TPI1: variants seen among roughly 807,000 people sequenced by gnomAD.
TPI1 encodes the protein triosephosphate isomerase.
A neutral mutation model predicts 31.0 loss-of-function variants in TPI1; 11 were observed. The ratio of observed to expected loss-of-function variants is 0.36; its 90% CI spans 0.22 to 0.59. The LOEUF (loss-of-function observed/expected upper bound fraction) is 0.59, where lower values mean the gene tolerates loss of function less well. Ranked by LOEUF, TPI1 falls within the 20% of genes least tolerant of loss-of-function variation. The pLI is 0.79. For synonymous variants in TPI1, 121 were observed against 122.8 expected, an observed-to-expected ratio of 0.99 and a Z score of 0.10; for missense variants, 245 against 319.7, an observed-to-expected ratio of 0.77 and a Z score of 1.78.
chr12:6,867,504 A>G (rs1555131386), upstream of TPI1: 14 of 1,577,608 alleles, frequency 8.9e-6, no homozygotes, highest in African/African-American at 2.7e-5. Flanking sequence ...GGCGCTCTAT[A>G]TAAGTGGGCA....
Position 6,869,760 on chromosome 12 carries a change from C to A in TPI1, c.530C>A (p.Ala177Glu), listed in dbSNP as rs11548743. 1 of 1,614,216 alleles carries A rather than the reference C, an allele frequency of 6.2e-7. No homozygotes were observed. Among genetic ancestry groups the A allele is most frequent in the Non-Finnish European group, 8.5e-7 (1 of 1,180,040 alleles). ...TGGGCCATTGGTACTGGCAAGACTG[C>A]AACACCCCAACAGGTAACCGGGCCC... ...PVWAIGTGKTATPQQAQEVHE... is the reference protein window; with the variant it reads ...PVWAIGTGKTETPQQAQEVHE... Residue 177 changes from alanine to glutamate, a missense_variant, in exon 5 of 7, where the codon GCA becomes GAA. Around this residue, in one of 3 missense-constraint regions of TPI1, gnomAD observed 127 missense variants for 163.7 expected, o/e 0.78. Transcript: ENST00000396705.
rs782260176 is a variant in TPI1 at position 6,870,131 on chromosome 12, A to G, written c.626A>G (p.Tyr209Cys). Residue 209 changes from tyrosine (Y) to cysteine (C), a missense_variant, in exon 6 of 7, where the codon TAT (tyrosine) becomes TGT (cysteine). Physicochemically the swap from Tyr to Cys is radical, Grantham distance 194 (BLOSUM62 -2). Coordinates refer to ENST00000396705, the MANE Select transcript of TPI1 (RefSeq NM_000365.6). ...GTGGCTCAGAGCACCCGTATCATTT[A>G]TGGAGGTGAGTGGCTTTGGTTCCCG... ...DAVAQSTRIIYGGSVTGATCK... is the reference protein window; with the variant it reads ...DAVAQSTRIICGGSVTGATCK... 8 of 1,614,090 alleles carry G rather than the reference A, an allele frequency of 5.0e-6. No homozygotes were observed. In the South Asian group the frequency reaches 8.8e-5, roughly 18 times the overall value.
At chr12:6,869,657 C>CCTT in intron 4 of TPI1, 31 bp from the exon 5 acceptor site, 1 of 1,612,162 alleles carries the variant, frequency 6.2e-7, no homozygotes, top group South Asian at 1.1e-5. Context: ...TCTTGTTCAC[C>CCTT]CTTCCCTCCA....
At position 6,870,462 on chromosome 12, in the gene TPI1, C is replaced by G; in HGVS notation, c.*79C>G. 9.4e-7 allele frequency: 1 copy of G among 1,066,270 alleles called. No individual in the cohort carries two copies. The highest frequency in any genetic ancestry group is 1.5e-6 in the Non-Finnish European group (1 of 681,068). 66.1% of individuals were successfully genotyped at this position (1,066,270 alleles called of 1,614,324 possible). A position where few individuals can be genotyped will look rare whatever the true frequency, so the allele number is the denominator to read the frequency against. ...AAGCCCAGTAACTGCCCTTTCCCTGCATATGCTTCTGATGGTGTCATCTGC... is the reference window on the plus strand; with the variant it reads ...AAGCCCAGTAACTGCCCTTTCCCTGGATATGCTTCTGATGGTGTCATCTGC... On this transcript the variant is annotated 3_prime_UTR_variant, in exon 7 of 7. Coordinates refer to ENST00000396705, the MANE Select transcript of TPI1 (RefSeq NM_000365.6).
chr12:6,868,736 G>A (rs1944513951), intron 1 of TPI1, 128 bp from the exon 2 acceptor site: 1 of 1,465,442 alleles, frequency 6.8e-7, no homozygotes, highest in African/African-American at 1.4e-5. Context: ...TTGCTGGGGT[G>A]AAAAGGGGGA....
At chr12:6,868,541 G>A in intron 1 of TPI1, 1 of 1,289,040 alleles carries the variant, frequency 7.8e-7, no homozygotes, top group Non-Finnish European at 1.0e-6. Context: ...AGGGAAGCAG[G>A]GTTGCTCCCT....
chr12:6,870,758 C>G lies in TPI1; in HGVS notation c.*375C>G, dbSNP rs1267153316. ...CCTCAGAAGGCAGGAGTGCTGCCCT[C>G]TCCCATGGTGCCCGTGCCTCTGTGC... On this transcript the variant is annotated 3_prime_UTR_variant, in exon 7 of 7. Coordinates refer to ENST00000396705, the MANE Select transcript of TPI1 (RefSeq NM_000365.6). 1.9e-6 allele frequency: 1 copy of G among 524,344 alleles called. No individual in the cohort carries two copies. Among genetic ancestry groups the G allele is most frequent in the South Asian group, 1.5e-5 (1 of 66,618 alleles). 32.5% of individuals were successfully genotyped at this position (524,344 alleles called of 1,614,324 possible). A position where few individuals can be genotyped will look rare whatever the true frequency, so the allele number is the denominator to read the frequency against.
chr12:6,870,011 G>T, intron 5 of TPI1, 38 bp from the exon 6 acceptor site: 1 of 1,608,180 alleles, frequency 6.2e-7, no homozygotes, highest in African/African-American at 1.3e-5. Context: ...TCTTAGAGAG[G>T]CAGAAAAGGT....
At chr12:6,867,470 C>T (rs781944856), upstream of TPI1, 21 of 1,528,196 alleles carry the variant, frequency 1.4e-5, no homozygotes, top group Non-Finnish European at 1.8e-5. Context: ...CGGAGGACGG[C>T]GAGGAGGCGG....
In TPI1 at chr12:6,868,033, G is replaced by A. The variant is rs781838217; in HGVS notation, c.115+352G>A. 865 of 1,219,812 alleles carry A rather than the reference G, an allele frequency of 7.1e-4. 13 individuals are homozygous for A. In the South Asian group the frequency reaches 0.011, roughly 15 times the overall value. The allele number at this position is 1,219,812 out of a possible 1,614,324, so 75.6% of individuals were successfully genotyped here. ...CTCTGCGGGAGACCGGGGGAGGCTG[G>A]GCCGCGTGGGCTTCCCGCTCCCTGC... On this transcript the variant is annotated intron_variant, in intron 1 of 6. Transcript: ENST00000396705.
chr12:6,869,923 C>T, intron 5 of TPI1, 126 bp from the exon 6 acceptor site: 1 of 1,388,220 alleles, frequency 7.2e-7, no homozygotes. Context: ...AGTCCAGGGC[C>T]TGGCTTGGAT....
intron 1 of TPI1, 199 bp from the exon 2 acceptor site, chr12:6,868,665 T>A: frequency 7.5e-7 from 1 of 1,327,086 alleles, no homozygotes; most frequent in South Asian, 1.4e-5. Flanking sequence ...CAGGGGTATC[T>A]GGAAGGCTCT....
intron 4 of TPI1, 138 bp from the exon 5 acceptor site, chr12:6,869,550 C>T (rs948321648): frequency 1.2e-5 from 18 of 1,470,480 alleles, no homozygotes; most frequent in Non-Finnish European, 1.6e-5. Flanking sequence ...ACTTCTCCAG[C>T]CCCAAGGTAG....
In TPI1 at chr12:6,868,749, G is replaced by A. The variant is rs1182421923; in HGVS notation, c.116-115G>A. 3.4e-6 allele frequency: 5 copies of A among 1,490,888 alleles called. No homozygotes were observed. The East Asian group carries it at 9.8e-5, about 29-fold the overall frequency. The allele number at this position is 1,490,888 out of a possible 1,614,324, so 92.4% of individuals were successfully genotyped here. On this transcript the variant is annotated intron_variant, in intron 1 of 6. Transcript: ENST00000396705. ...TCTTGCTGGGGTGAAAAGGGGGAGAGCAGAACCAAGAAGAAGAGGGTGAGG... is the reference window on the plus strand; with the variant it reads ...TCTTGCTGGGGTGAAAAGGGGGAGAACAGAACCAAGAAGAAGAGGGTGAGG...
Position 6,867,626 on chromosome 12 carries a change from G to C in TPI1, c.60G>C (p.Gln20His). 6.2e-7 allele frequency: 1 copy of C among 1,612,852 alleles called. No individual in the cohort carries two copies. The highest frequency in any genetic ancestry group is 1.3e-5 in the African/African-American group (1 of 74,970). Residue 20 changes from glutamine (Q) to histidine (H), a missense_variant, in exon 1 of 7, where the codon CAG becomes CAC. Physicochemically the swap from Gln to His is conservative, Grantham distance 24 (BLOSUM62 0). Around this residue, in one of 3 missense-constraint regions of TPI1, gnomAD observed 95 missense variants for 96.4 expected, o/e 0.99. Coordinates refer to ENST00000396705, the MANE Select transcript of TPI1 (RefSeq NM_000365.6). ...ACTGGAAGATGAACGGGCGGAAGCA[G>C]AGTCTGGGGGAGCTCATCGGCACTC... Reference protein sequence around the residue: ...GGNWKMNGRKQSLGELIGTLN... With the variant: ...GGNWKMNGRKHSLGELIGTLN...
chr12:6,868,492 T>C (rs782290899), intron 1 of TPI1: 4 of 1,283,548 alleles, frequency 3.1e-6, no homozygotes, highest in Non-Finnish European at 4.1e-6. Flanking sequence ...CTACAAATCC[T>C]TGCCTTGCAA....
At chr12:6,868,470 CCT>C in intron 1 of TPI1, 1 of 1,286,686 alleles carries the variant, frequency 7.8e-7, no homozygotes, top group African/African-American at 1.5e-5. Context: ...GGAGTTGGCC[CCT>C]CTCCTTTTGC....
At chr12:6,868,646 G>A (rs1944512770) in intron 1 of TPI1, 3 of 1,328,108 alleles carry the variant, frequency 2.3e-6, no homozygotes, top group Non-Finnish European at 3.0e-6. Context: ...GGTGAGGGCC[G>A]TGGCCTCTCA....
At chr12:6,868,407 C>T in intron 1 of TPI1, 1 of 1,288,738 alleles carries the variant, frequency 7.8e-7, no homozygotes, top group Non-Finnish European at 1.0e-6. Context: ...GGGCCTGATC[C>T]AAAGAGGCAT....
Sources: allele counts gnomAD v4.1 joint callset, GRCh38; gene constraint gnomAD v4.1.1; regional missense constraint gnomAD v4.1.1; transcripts MANE v1.5; gene names NCBI Gene and HGNC (gene_info 2026-07-23, HGNC 2026-07-21).